Variants in TMEM131 observed in about 807,000 individuals in gnomAD.
TMEM131 encodes the protein 2610524E03Rik.
TMEM131 carries 66 observed loss-of-function variants against 211.6 expected under a neutral mutation model. That is an observed-to-expected ratio of 0.31 (90% confidence interval 0.26 to 0.38). The LOEUF (loss-of-function observed/expected upper bound fraction) is 0.38, where lower values mean the gene tolerates loss of function less well. Among genes scored for constraint, TMEM131 ranks in the 10% least tolerant of loss-of-function variants. The pLI, the probability that TMEM131 is intolerant of heterozygous loss-of-function variation, is 1.00. For synonymous variants in TMEM131, 844 were observed against 841.3 expected (o/e 1.00, Z -0.06); for missense variants, 2,036 against 2,299.3 (o/e 0.89, Z 2.34).
intron 11 of TMEM131, among the ~76,000 whole-genome samples, chr2:97,823,183 G>A (rs537633256): frequency 6.6e-6 from 1 of 152,090 alleles, no homozygotes; most frequent in East Asian, 1.9e-4. Flanking sequence ...TCCTATTAAT[G>A]ATAAGCCTCC....
At chr2:97,902,427 T>C (rs1240797413) in intron 3 of TMEM131, among the ~76,000 whole-genome samples, 1 of 152,148 alleles carries the variant, frequency 6.6e-6, no homozygotes, top group Non-Finnish European at 1.5e-5. Context: ...TGTTGGAGAA[T>C]GGACAGAAAC....
intron 3 of TMEM131, among the ~76,000 whole-genome samples, chr2:97,891,172 A>C (rs1426812123): frequency 6.6e-6 from 1 of 152,246 alleles, no homozygotes; most frequent in Non-Finnish European, 1.5e-5. Flanking sequence ...GCAAATATGT[A>C]ATATTGAAAA....
At chr2:97,760,710 T>A in intron 37 of TMEM131, 21 bp from the exon 38 acceptor site, 7 of 1,613,970 alleles carry the variant, frequency 4.3e-6, no homozygotes, top group Non-Finnish European at 5.9e-6. Flanking sequence ...GGACGTTCAA[T>A]CAATGGAAGG....
rs1335530165 is a variant in TMEM131, at chr2:97,844,140, C to T, written c.600+5G>A. On this transcript the variant is annotated splice_donor_5th_base_variant and intron_variant, in intron 6 of 40. Coordinates refer to ENST00000186436, the MANE Select transcript of TMEM131 (RefSeq NM_015348.2). ...TATAAAATAAGTTTTAATTCTGGTTCTTACCTGGTAAGTAAATACCCCATG... is the reference window on the plus strand; with the variant it reads ...TATAAAATAAGTTTTAATTCTGGTTTTTACCTGGTAAGTAAATACCCCATG... 1 of 928,328 alleles carries T rather than the reference C, an allele frequency of 1.1e-6. No individual in the cohort carries two copies. Among genetic ancestry groups the T allele is most frequent in the Non-Finnish European group, 1.5e-6 (1 of 672,602 alleles). 57.5% of individuals were successfully genotyped at this position (928,328 alleles called of 1,614,324 possible). A position where few individuals can be genotyped will look rare whatever the true frequency, so the allele number is the denominator to read the frequency against.
At chr2:97,821,790 C>A (rs1362300667) in intron 11 of TMEM131, among the ~76,000 whole-genome samples, 1 of 152,174 alleles carries the variant, frequency 6.6e-6, no homozygotes, top group African/African-American at 2.4e-5. Context: ...GGCACAGCCA[C>A]CGGACTAAAG....
At chr2:97,835,466 T>A (rs1362266127) in intron 8 of TMEM131, among the ~76,000 whole-genome samples, 2 of 152,128 alleles carry the variant, frequency 1.3e-5, no homozygotes, top group African/African-American at 4.8e-5. Flanking sequence ...TAAGACAGCA[T>A]ACATTTTCAG....
chr2:97,799,652 T>C (rs934133832), intron 25 of TMEM131, among the ~76,000 whole-genome samples: 1 of 152,222 alleles, frequency 6.6e-6, no homozygotes, highest in Non-Finnish European at 1.5e-5. Flanking sequence ...CTGATGAGCC[T>C]GGTGGTTAGA....
At chr2:97,981,551 T>C (rs565251614) in intron 1 of TMEM131, among the ~76,000 whole-genome samples, 13 of 152,256 alleles carry the variant, frequency 8.5e-5, no homozygotes, top group African/African-American at 3.1e-4. Context: ...CTCATTTAGG[T>C]TTTTTCCCCC....
intron 1 of TMEM131, among the ~76,000 whole-genome samples, chr2:97,990,323 AAAAAAAG>A (rs1272755064): frequency 6.6e-6 from 1 of 152,218 alleles, no homozygotes; most frequent in Non-Finnish European, 1.5e-5. Context: ...ATTGAAAAAA[AAAAAAAG>A]TACATTTTAC....
chr2:97,792,206 T>A (rs754987497), intron 31 of TMEM131, among the ~76,000 whole-genome samples, 180 bp downstream of exon 31: 2 of 152,270 alleles, frequency 1.3e-5, no homozygotes, highest in Non-Finnish European at 2.9e-5. Context: ...ATATCTTTTA[T>A]GACAGATACC....
chr2:97,899,670 A>G (rs992867462), intron 3 of TMEM131, among the ~76,000 whole-genome samples: 2 of 152,182 alleles, frequency 1.3e-5, no homozygotes, highest in Non-Finnish European at 2.9e-5. Context: ...GAATCTGTCA[A>G]TGCTTAATGA....
chr2:97,952,331 C>G (rs182754187), intron 1 of TMEM131, among the ~76,000 whole-genome samples: 1 of 152,128 alleles, frequency 6.6e-6, no homozygotes, highest in African/African-American at 2.4e-5. Context: ...AGGAAAACTT[C>G]CCAAATTTGG....
intron 3 of TMEM131, among the ~76,000 whole-genome samples, chr2:97,889,725 T>C (rs1308658171): frequency 2.0e-5 from 3 of 152,136 alleles, no homozygotes; most frequent in South Asian, 2.1e-4. Flanking sequence ...AAATTACAAA[T>C]GGAAATGTCT....
chr2:97,763,039 A>G (rs935191289), intron 35 of TMEM131: 5 of 152,234 alleles, frequency 3.3e-5, no homozygotes, highest in African/African-American at 1.2e-4. Flanking sequence ...CCATCACCAC[A>G]GGGCACGATC....
At chr2:97,786,732 G>A (rs899165178) in intron 31 of TMEM131, among the ~76,000 whole-genome samples, 1 of 152,174 alleles carries the variant, frequency 6.6e-6, no homozygotes, top group Non-Finnish European at 1.5e-5. Flanking sequence ...TGAGAGGCAC[G>A]GTGTAGGTGA....
intron 2 of TMEM131, among the ~76,000 whole-genome samples, chr2:97,909,800 G>A (rs1676220736): frequency 6.6e-6 from 1 of 152,134 alleles, no homozygotes; most frequent in South Asian, 2.1e-4. Context: ...TAATTTGTGT[G>A]TGTGGGGAGG....
rs770444206 is a variant in TMEM131 at position 97,995,544 on chromosome 2, G to C, written c.119C>G (p.Ala40Gly). 7.5e-7 allele frequency: 1 copy of C among 1,340,174 alleles called. No homozygotes were observed. The highest frequency in any genetic ancestry group is 9.6e-7 in the Non-Finnish European group (1 of 1,041,116). The allele number at this position is 1,340,174 out of a possible 1,614,324, so 83.0% of individuals were successfully genotyped here. A position where few individuals can be genotyped will look rare whatever the true frequency, so the allele number is the denominator to read the frequency against. Reference sequence around the variant, plus strand: ...CAGGTGCAGCGCGCCTAGGAGGCCGGCGGCCGCGCTCCGCGGGCCCCCGCT... The same window carrying C: ...CAGGTGCAGCGCGCCTAGGAGGCCGCCGGCCGCGCTCCGCGGGCCCCCGCT... Reference protein sequence around the residue: ...ARSGGPRSAAAGLLGALHLVM... With the variant: ...ARSGGPRSAAGGLLGALHLVM... Residue 40 changes from alanine to glycine, a missense_variant, in exon 1 of 41, where the codon GCC becomes GGC. Physicochemically the swap from Ala to Gly is moderately conservative, Grantham distance 60. This residue lies in a region of TMEM131 where 136 missense variants were observed against 115.4 expected (regional missense o/e 1.18). Coordinates refer to ENST00000186436, the MANE Select transcript of TMEM131 (RefSeq NM_015348.2).
intron 12 of TMEM131, among the ~76,000 whole-genome samples, chr2:97,818,327 A>G (rs1681932278): frequency 6.6e-6 from 1 of 152,190 alleles, no homozygotes; most frequent in Non-Finnish European, 1.5e-5. Context: ...TAAAAAGGCT[A>G]GCCCAGATTA....
At chr2:97,800,566 A>G (rs570292099) in intron 25 of TMEM131, among the ~76,000 whole-genome samples, 1 of 143,284 alleles carries the variant, frequency 7.0e-6, no homozygotes, top group Admixed American at 7.2e-5. Context: ...CCTGGCCAAC[A>G]TGGTGAAACC....
Sources: gnomAD v4.1 joint callset for allele counts (sites outside exome capture counted in the v4.1 genomes callset) on GRCh38, gnomAD v4.1.1 for gene constraint, gnomAD v4.1.1 regional missense constraint, MANE v1.5 for transcripts, NCBI Gene and HGNC (gene_info 2026-07-23, HGNC 2026-07-21) for gene names.